The following CEACAM5 variants were observed in gnomAD, a reference collection of about 807,000 sequenced individuals.
The protein encoded by CEACAM5 is CEA cell adhesion molecule 5.
CEACAM5 carries 52 observed loss-of-function variants against 63.0 expected under a neutral mutation model. That is an observed-to-expected ratio of 0.83 (90% CI 0.66 to 1.04). CEACAM5 has a LOEUF of 1.04. Among genes scored for constraint, CEACAM5 ranks in the 50% least tolerant of loss-of-function variants. CEACAM5 has a pLI of 0.00. For missense variants in CEACAM5, 790 were observed against 864.8 expected (o/e 0.91, Z 1.08); for synonymous variants, 357 against 351.3 (o/e 1.02, Z -0.18).
chr19:41,719,667 C>T (rs952794458), intron 6 of CEACAM5, among the ~76,000 whole-genome samples: 2 of 152,206 alleles, frequency 1.3e-5, no homozygotes, highest in African/African-American at 4.8e-5. Flanking sequence ...GCTGTGACTC[C>T]CAGTCCTGGG....
chr19:41,710,322 C>T (rs1555813864), intron 2 of CEACAM5, among the ~76,000 whole-genome samples: 2 of 152,154 alleles, frequency 1.3e-5, no homozygotes, highest in African/African-American at 2.4e-5. Context: ...GTGCCCTCCC[C>T]GTAAACCTGA....
chr19:41,716,042 C>A, intron 4 of CEACAM5, 138 bp downstream of exon 4: 1 of 955,810 alleles, frequency 1.0e-6, no homozygotes, highest in Non-Finnish European at 1.6e-6. Context: ...CCCACTGAAC[C>A]TCCCCAATAT....
rs782300892 is a variant in CEACAM5, at chr19:41,717,574, A to G, written c.1078A>G (p.Asn360Asp). Residue 360 changes from asparagine to aspartate, a missense_variant, in exon 5 of 10, where the codon AAT becomes GAT. Coordinates refer to ENST00000221992, the MANE Select transcript of CEACAM5 (RefSeq NM_004363.6). ...QNTTYLWWVN[N>D]QSLPVSPRLQ... Reference sequence around the variant, plus strand: ...CACAACCTACCTGTGGTGGGTAAATAATCAGAGCCTCCCGGTCAGTCCCAG... The same window carrying G: ...CACAACCTACCTGTGGTGGGTAAATGATCAGAGCCTCCCGGTCAGTCCCAG... 9.3e-6 allele frequency: 15 copies of G among 1,614,066 alleles called. No individual in the cohort carries two copies. Among genetic ancestry groups the G allele is most frequent in the South Asian group, 5.5e-5 (5 of 91,078 alleles).
At position 41,718,004 on chromosome 19, in the gene CEACAM5, G is replaced by A; in HGVS notation, c.1238-124G>A. On this transcript the variant is annotated intron_variant, in intron 5 of 9. Transcript: ENST00000221992. ...AGACTCTGGCTAATTGGATACAGTA[G>A]GGGTTTGGTTAGGACTTCAGGATTG... 2.5e-6 allele frequency: 3 copies of A among 1,178,284 alleles called. No individual in the cohort carries two copies. In the South Asian group the frequency reaches 4.3e-5, roughly 17 times the overall value. 73.0% of individuals were successfully genotyped at this position (1,178,284 alleles called of 1,614,324 possible).
intron 9 of CEACAM5, among the ~76,000 whole-genome samples, chr19:41,727,772 CAAG>C (rs1311736926): frequency 2.6e-5 from 4 of 152,182 alleles, no homozygotes; most frequent in Non-Finnish European, 4.4e-5. Context: ...CTCGCCTACT[CAAG>C]AAGACACAGG....
intron 6 of CEACAM5, among the ~76,000 whole-genome samples, chr19:41,719,480 A>G (rs782591777): frequency 4.6e-5 from 7 of 152,154 alleles, no homozygotes; most frequent in Non-Finnish European, 1.0e-4. Context: ...ATTTCTGCTT[A>G]AACACCCATC....
intron 4 of CEACAM5, among the ~76,000 whole-genome samples, chr19:41,717,104 C>T (rs1252557146): frequency 6.6e-6 from 1 of 152,254 alleles, no homozygotes; most frequent in Non-Finnish European, 1.5e-5. Context: ...AGAAACGCAG[C>T]TCCTTCAAAT....
Position 41,717,600 on chromosome 19 carries a change from G to C in CEACAM5, c.1104G>C (p.Arg368Ser). ...VNNQSLPVSP[R>S]LQLSNDNRTL... ...ATCAGAGCCTCCCGGTCAGTCCCAGGCTGCAGCTGTCCAATGACAACAGGA... is the reference window on the plus strand; with the variant it reads ...ATCAGAGCCTCCCGGTCAGTCCCAGCCTGCAGCTGTCCAATGACAACAGGA... Residue 368 changes from arginine (R) to serine (S), a missense_variant, in exon 5 of 10, where the codon AGG becomes AGC. Arg to Ser is a moderately radical substitution (Grantham distance 110). Coordinates refer to ENST00000221992, the MANE Select transcript of CEACAM5 (RefSeq NM_004363.6). The C allele has an allele frequency of 6.2e-7, 1 of 1,614,174 alleles. No individual in the cohort carries two copies. The highest frequency in any genetic ancestry group is 8.5e-7 in the Non-Finnish European group (1 of 1,180,038).
rs1278746600 is a variant in CEACAM5, at chr19:41,729,209, G to A, written c.*62G>A. 6.6e-6 allele frequency: 1 copy of A among 152,080 alleles called. No homozygotes were observed. The highest frequency in any genetic ancestry group is 2.4e-5 in the African/African-American group (1 of 41,404). The allele number at this position is 152,080 out of a possible 1,614,324, so 9.4% of individuals were successfully genotyped here. On this transcript the variant is annotated 3_prime_UTR_variant, in exon 10 of 10. Coordinates refer to ENST00000221992, the MANE Select transcript of CEACAM5 (RefSeq NM_004363.6). ...ACAGTTGTTTTGCTTCTTCCTTAAAGCATTTGCAACAGCTACAGTCTAAAA... is the reference window on the plus strand; with the variant it reads ...ACAGTTGTTTTGCTTCTTCCTTAAAACATTTGCAACAGCTACAGTCTAAAA...
intron 4 of CEACAM5, among the ~76,000 whole-genome samples, chr19:41,716,906 C>T (rs1222149769): frequency 6.6e-6 from 1 of 152,220 alleles, no homozygotes; most frequent in African/African-American, 2.4e-5. Flanking sequence ...AACTCCTGGG[C>T]AGAGCTGCCC....
At position 41,715,703 on chromosome 19, in the gene CEACAM5, G is replaced by A. The variant is rs781924507; in HGVS notation, c.757G>A (p.Glu253Lys). Residue 253 changes from glutamate to lysine, a missense_variant, in exon 4 of 10, where the codon GAA (glutamate) becomes AAA (lysine). Coordinates refer to ENST00000221992, the MANE Select transcript of CEACAM5 (RefSeq NM_004363.6). ...TCTAAACACATCTTACAGATCAGGG[G>A]AAAATCTGAACCTCTCCTGCCACGC... is the stretch of plus-strand genomic sequence containing the variant. ...SPLNTSYRSG[E>K]NLNLSCHAAS... The A allele has an allele frequency of 1.9e-5, 31 of 1,614,034 alleles. No homozygotes were observed. The highest frequency in any genetic ancestry group is 2.7e-5 in the African/African-American group (2 of 74,904).
At chr19:41,718,767 C>T (rs535850056) in intron 6 of CEACAM5, among the ~76,000 whole-genome samples, 1 of 152,358 alleles carries the variant, frequency 6.6e-6, no homozygotes, top group African/African-American at 2.4e-5. Context: ...CAAGGAACAA[C>T]TGAGGCTTTG....
chr19:41,718,104 G>T, intron 5 of CEACAM5, 24 bp from the exon 6 acceptor site: 1 of 1,613,238 alleles, frequency 6.2e-7, no homozygotes, highest in Middle Eastern at 1.7e-4. Context: ...ACATTCACCT[G>T]TGGCCCTATT....
chr19:41,712,102 G>A (rs190620288), intron 2 of CEACAM5, among the ~76,000 whole-genome samples: 23 of 152,314 alleles, frequency 1.5e-4, no homozygotes, highest in Non-Finnish European at 2.9e-4. Flanking sequence ...TGACTCACCA[G>A]GGGGTCAGAG....
Position 41,717,488 on chromosome 19 carries a change from A to G in CEACAM5, c.992A>G (p.Asn331Ser). 6.2e-7 allele frequency: 1 copy of G among 1,613,762 alleles called. No individual in the cohort carries two copies. The highest frequency in any genetic ancestry group is 8.5e-7 in the Non-Finnish European group (1 of 1,179,896). Residue 331 changes from asparagine to serine, a missense_variant, in exon 5 of 10, where the codon AAC becomes AGC. Transcript: ENST00000221992. ...CCCAAACCCTTCATCACCAGCAACA[A>G]CTCCAACCCCGTGGAGGATGAGGAT... Reference protein sequence around the residue: ...EPPKPFITSNNSNPVEDEDAV... With the variant: ...EPPKPFITSNSSNPVEDEDAV...
intron 5 of CEACAM5, 54 bp from the exon 6 acceptor site, chr19:41,718,074 G>A (rs980314077): frequency 6.3e-7 from 1 of 1,598,132 alleles, no homozygotes; most frequent in African/African-American, 1.3e-5. Flanking sequence ...CAGACCAGGA[G>A]CTTCCCCTTT....
chr19:41,714,345 C>G (rs1003701040), intron 2 of CEACAM5, among the ~76,000 whole-genome samples: 2 of 152,210 alleles, frequency 1.3e-5, no homozygotes, highest in Non-Finnish European at 2.9e-5. Flanking sequence ...TGGCTCAAGT[C>G]AGTCATCATC....
chr19:41,717,428 G>C, intron 4 of CEACAM5, 27 bp from the exon 5 acceptor site: 1 of 1,598,560 alleles, frequency 6.3e-7, no homozygotes, highest in Non-Finnish European at 8.5e-7. Flanking sequence ...GCCACACAGG[G>C]CAATCTTCTC....
intron 5 of CEACAM5, 150 bp from the exon 6 acceptor site, chr19:41,717,978 C>A: frequency 2.0e-6 from 2 of 1,022,946 alleles, no homozygotes; most frequent in Non-Finnish European, 2.9e-6. Context: ...ATGAATGTCT[C>A]AGACTCTGGC....
Sources: gnomAD v4.1 joint callset for allele counts (sites outside exome capture counted in the v4.1 genomes callset) on GRCh38, gnomAD v4.1.1 for gene constraint, MANE v1.5 for transcripts, NCBI Gene and HGNC (gene_info 2026-07-23, HGNC 2026-07-21) for gene names.